CDH12: variants seen among roughly 807,000 people sequenced by gnomAD.
CDH12 encodes cadherin-12.
In CDH12, 41 loss-of-function variants were observed where a neutral mutation model predicts 74.1. The observed-to-expected ratio is 0.55, with a 90% CI of 0.43 to 0.72. The LOEUF (loss-of-function observed/expected upper bound fraction) is 0.72. Among genes scored for constraint, CDH12 ranks in the 30% least tolerant of loss-of-function variants. CDH12 has a pLI of 0.00. For missense variants in CDH12, 945 were observed against 977.2 expected (o/e 0.97, Z 0.44); for synonymous variants, 399 against 355.0 (o/e 1.12, Z -1.39).
chr5:22,664,860 CATTTGA>C (rs1462157532), intron 1 of CDH12, among the ~76,000 whole-genome samples: 2 of 152,182 alleles, frequency 1.3e-5, no homozygotes, highest in African/African-American at 4.8e-5. Flanking sequence ...TATTATATTT[CATTTGA>C]ATTTGAATTT....
intron 1 of CDH12, among the ~76,000 whole-genome samples, chr5:22,551,652 T>C (rs1362631758): frequency 6.6e-6 from 1 of 152,006 alleles, no homozygotes; most frequent in African/African-American, 2.4e-5. Flanking sequence ...AAAAAACATG[T>C]GATATTCTTG....
intron 1 of CDH12, among the ~76,000 whole-genome samples, chr5:22,666,415 G>A (rs1052591904): frequency 1.4e-4 from 21 of 149,070 alleles, no homozygotes; most frequent in Admixed American, 7.4e-4. Context: ...TCAGCCTCCC[G>A]AGTAGCTGGG....
At chr5:22,522,427 T>A (rs1028547854) in intron 1 of CDH12, among the ~76,000 whole-genome samples, 8 of 152,194 alleles carry the variant, frequency 5.3e-5, no homozygotes, top group Non-Finnish European at 1.0e-4. Context: ...CTCTGGTATA[T>A]TTAAGTGTTG....
intron 5 of CDH12, among the ~76,000 whole-genome samples, chr5:22,065,472 T>G (rs1200796409): frequency 2.6e-5 from 4 of 152,196 alleles, no homozygotes; most frequent in African/African-American, 9.6e-5. Context: ...GGCTGAAACA[T>G]GGAGCCAAAG....
At chr5:22,737,493 G>T (rs1484144349) in intron 1 of CDH12, among the ~76,000 whole-genome samples, 1 of 151,724 alleles carries the variant, frequency 6.6e-6, no homozygotes, top group African/African-American at 2.4e-5. Flanking sequence ...AAACGAGCAC[G>T]TATTTGCGTA....
chr5:22,603,778 T>C (rs962308170), intron 1 of CDH12, among the ~76,000 whole-genome samples: 1 of 151,938 alleles, frequency 6.6e-6, no homozygotes, highest in Non-Finnish European at 1.5e-5. Flanking sequence ...TTTTATAGGG[T>C]TCAAAAGAGA....
rs958039878 is a variant in CDH12, at chr5:22,422,902, T to C, written c.-427-17551A>G. 2.0e-5 allele frequency among the ~76,000 whole-genome samples: 3 copies of C among 152,310 alleles called. No individual in the cohort carries two copies. In the South Asian group the frequency reaches 6.2e-4, roughly 32 times the overall value. On this transcript the variant is annotated intron_variant, in intron 2 of 14. Coordinates refer to ENST00000382254, the MANE Select transcript of CDH12 (RefSeq NM_004061.5). ...AACTCCATTATATATATTATTTTTCTTGATAGAAGTGTTACACTTCAATAT... is the reference window on the plus strand; with the variant it reads ...AACTCCATTATATATATTATTTTTCCTGATAGAAGTGTTACACTTCAATAT...
intron 1 of CDH12, among the ~76,000 whole-genome samples, chr5:22,604,342 C>T (rs1412319594): frequency 1.3e-5 from 2 of 152,186 alleles, no homozygotes; most frequent in Admixed American, 1.3e-4. Context: ...GATCACAAAG[C>T]TGTGATTCTT....
chr5:22,009,546 C>T (rs965610070), intron 5 of CDH12, among the ~76,000 whole-genome samples: 11 of 152,130 alleles, frequency 7.2e-5, no homozygotes, highest in Non-Finnish European at 2.9e-5. Flanking sequence ...GACAAGCATA[C>T]TTTTCAAAAG....
intron 1 of CDH12, among the ~76,000 whole-genome samples, chr5:22,522,031 G>A (rs186960540): frequency 1.3e-4 from 20 of 152,242 alleles, no homozygotes; most frequent in African/African-American, 4.1e-4. Context: ...GTCATTAAGC[G>A]TATCAGGAAA....
rs70959733 is a variant in CDH12, at chr5:22,466,776, CTTTTTTTTTTTT to C, written c.-428+38482_-428+38493del. ...AAATGAGGCATGGCTCCTCAGGAAT[CTTTTTTTTTTTT>C]TTTTTTTTTTTTTTTTTTTGAGACG... On this transcript the variant is annotated intron_variant, in intron 2 of 14. Transcript: ENST00000382254. 8.6e-4 allele frequency among the ~76,000 whole-genome samples: 44 copies of C among 50,998 alleles called. 1 individual carries two copies. Among genetic ancestry groups the C allele is most frequent in the Admixed American group, 1.0e-3 (3 of 2,962 alleles). 33.5% of individuals were successfully genotyped at this position (50,998 alleles called of 152,430 possible). A position where few individuals can be genotyped will look rare whatever the true frequency, so the allele number is the denominator to read the frequency against.
At position 21,842,205 on chromosome 5, in the gene CDH12, ATGTTGACTAT is replaced by A; in HGVS notation, c.760_769del (p.Ile254SerfsTer20). ...ATTGTCATTGACATCGGTGAGAGTG[ATGTTGACTAT>A]TGTTGTTCCGGCTAATCCTCCAAGC... On this transcript the variant is annotated frameshift_variant, in exon 8 of 15. Coordinates refer to ENST00000382254, the MANE Select transcript of CDH12 (RefSeq NM_004061.5). LOFTEE classifies it high-confidence loss of function. The A allele has an allele frequency of 1.9e-6, 3 of 1,613,454 alleles. No individual in the cohort carries two copies. The highest frequency in any genetic ancestry group is 2.5e-6 in the Non-Finnish European group (3 of 1,179,648).
chr5:21,820,571 C>T (rs780409764), intron 8 of CDH12, among the ~76,000 whole-genome samples: 6 of 151,922 alleles, frequency 3.9e-5, no homozygotes, highest in East Asian at 1.9e-4. Context: ...GTGGAAGACA[C>T]GTTCATTAAG....
chr5:22,283,226 ATAT>A (rs1329259673), intron 3 of CDH12, among the ~76,000 whole-genome samples: 116 of 102,994 alleles, frequency 1.1e-3, no homozygotes, highest in Non-Finnish European at 1.7e-3. Flanking sequence ...AGATATATAT[ATAT>A]ATATATATAT....
intron 1 of CDH12, among the ~76,000 whole-genome samples, chr5:22,799,290 G>A (rs528484326): frequency 3.3e-5 from 5 of 152,190 alleles, no homozygotes; most frequent in African/African-American, 1.2e-4. Flanking sequence ...ATAATATAAA[G>A]CGTATATATC....
At chr5:22,815,297 C>G (rs1749333004) in intron 1 of CDH12, among the ~76,000 whole-genome samples, 1 of 152,078 alleles carries the variant, frequency 6.6e-6, no homozygotes, top group Non-Finnish European at 1.5e-5. Context: ...TTGATGCTCT[C>G]CTATACTCGT....
intron 10 of CDH12, among the ~76,000 whole-genome samples, chr5:21,785,948 T>A (rs1460241540): frequency 2.6e-5 from 4 of 152,144 alleles, no homozygotes; most frequent in Non-Finnish European, 5.9e-5. Context: ...TAGAGAGAAG[T>A]CAATGCCTGG....
chr5:22,266,167 C>A (rs2150397148), intron 3 of CDH12, among the ~76,000 whole-genome samples: 1 of 152,074 alleles, frequency 6.6e-6, no homozygotes, highest in South Asian at 2.1e-4. Flanking sequence ...CCTCCGCCTC[C>A]CAGGTTCAAG....
chr5:22,330,626 C>T (rs1171384284), intron 3 of CDH12, among the ~76,000 whole-genome samples: 1 of 151,536 alleles, frequency 6.6e-6, no homozygotes, highest in Non-Finnish European at 1.5e-5. Context: ...TGGTGCACAT[C>T]TGCAGTCCCA....
Sources: gnomAD v4.1 joint callset for allele counts (sites outside exome capture counted in the v4.1 genomes callset) on GRCh38, gnomAD v4.1.1 for gene constraint, MANE v1.5 for transcripts, NCBI Gene and HGNC (gene_info 2026-07-23, HGNC 2026-07-21) for gene names.